ZNF277: variants seen among roughly 807,000 people sequenced by gnomAD.
ZNF277 encodes zinc finger protein 277.
A neutral mutation model predicts 60.7 loss-of-function variants in ZNF277; 55 were observed. The observed-to-expected ratio is 0.91, with a 90% confidence interval of 0.73 to 1.13. The LOEUF (loss-of-function observed/expected upper bound fraction) is 1.13. Among genes scored for constraint, ZNF277 ranks in the 50% most tolerant of loss-of-function variants. The pLI is 0.00. For synonymous variants in ZNF277, 178 were observed against 179.3 expected (o/e 0.99, Z 0.06); for missense variants, 510 against 523.0 (o/e 0.98, Z 0.24).
intron 2 of ZNF277, 33 bp downstream of exon 2, chr7:112,287,107 A>G (rs750979642): frequency 6.2e-7 from 1 of 1,608,574 alleles, no homozygotes; most frequent in Admixed American, 1.7e-5. Flanking sequence ...AAAGAATTAA[A>G]TTTGACCATG....
At chr7:112,327,611 T>G in intron 5 of ZNF277, 106 bp from the exon 6 acceptor site, 1 of 766,678 alleles carries the variant, frequency 1.3e-6, no homozygotes, top group South Asian at 1.6e-5. Flanking sequence ...TGCTTAGCAC[T>G]TGCTTATACC....
intron 11 of ZNF277, among the ~76,000 whole-genome samples, chr7:112,342,296 G>A (rs531224206): frequency 2.0e-4 from 31 of 152,190 alleles, no homozygotes; most frequent in African/African-American, 6.3e-4. Flanking sequence ...AGTGGCCAGC[G>A]GACAACTCCA....
chr7:112,304,823 C>T (rs1792553464), intron 4 of ZNF277, among the ~76,000 whole-genome samples: 1 of 152,182 alleles, frequency 6.6e-6, no homozygotes. Flanking sequence ...GTAACTTAGA[C>T]ATTGTTCACT....
chr7:112,312,786 G>C (rs1210583461), intron 4 of ZNF277, among the ~76,000 whole-genome samples: 2 of 152,022 alleles, frequency 1.3e-5, no homozygotes, highest in Non-Finnish European at 2.9e-5. Flanking sequence ...GTCTTATTTA[G>C]CTTCCTGGTT....
Position 112,208,852 on chromosome 7 carries a change from T to C in ZNF277, c.91+2045T>C, listed in dbSNP as rs185663730. Among the ~76,000 whole-genome samples, 108 of 152,138 alleles carry C rather than the reference T, an allele frequency of 7.1e-4. 3 individuals carry two copies. In the Middle Eastern group the frequency reaches 0.014, roughly 19 times the overall value. ...CCAGCCAACAAGCCCGGCTAGTTTT[T>C]TGTATTTTTAGTAGAGACGGGGTTT... On this transcript the variant is annotated intron_variant, in intron 1 of 11. Transcript: ENST00000361822.
chr7:112,206,804 G>C lies in ZNF277; in HGVS notation c.88G>C (p.Gly30Arg). ...CAGCACAGTCGGGGGTGTAGGTTAT[G>C]GGGGTGAGTACGGTGCCCCGGAGGC... ...SCSTVGGVGY[G>R]DSKDCILEPL... The change falls in exon 1 of 12, where the codon GGG becomes CGG. Residue 30 changes from glycine (G) to arginine (R), a missense_variant. By Grantham distance (125) the Gly-to-Arg change is moderately radical (BLOSUM62 -2). Transcript: ENST00000361822. 6.8e-6 allele frequency: 11 copies of C among 1,613,128 alleles called. No individual in the cohort carries two copies. Among genetic ancestry groups the C allele is most frequent in the Non-Finnish European group, 9.3e-6 (11 of 1,179,616 alleles).
In ZNF277 at chr7:112,310,859, C is replaced by G. The variant is rs1054261235; in HGVS notation, c.466-7323C>G. 2.5e-4 allele frequency among the ~76,000 whole-genome samples: 38 copies of G among 151,984 alleles called. 3 individuals are homozygous for G. On this transcript the variant is annotated intron_variant, in intron 4 of 11. Transcript: ENST00000361822. ...TTTGGGAAGGAACCTGAGGAGTGTG[C>G]CTTTTTCTCTCATAGCCACTCATAT...
chr7:112,341,991 T>C (rs554701739), intron 11 of ZNF277, among the ~76,000 whole-genome samples: 3 of 137,750 alleles, frequency 2.2e-5, no homozygotes, highest in Non-Finnish European at 4.6e-5. Context: ...TTATATTCCG[T>C]AAGTGTTTCC....
rs750570039 is a variant in ZNF277, at chr7:112,339,903, G to A, written c.1009+18G>A. The A allele has an allele frequency of 1.4e-5, 23 of 1,605,818 alleles. No individual in the cohort carries two copies. Among genetic ancestry groups the A allele is most frequent in the Non-Finnish European group, 1.4e-5 (17 of 1,179,212 alleles). On this transcript the variant is annotated intron_variant, in intron 10 of 11. Transcript: ENST00000361822. ...AGAACTTGGTAAGTTTGATTCAGAG[G>A]TTTTTTTCTGTGATGCTTCATTTTT...
chr7:112,298,617 G>A (rs1351577797), intron 4 of ZNF277, among the ~76,000 whole-genome samples: 1 of 152,126 alleles, frequency 6.6e-6, no homozygotes, highest in African/African-American at 2.4e-5. Context: ...AAATGTAGCT[G>A]CGTATAAATC....
intron 1 of ZNF277, among the ~76,000 whole-genome samples, chr7:112,232,810 A>G (rs558873257): frequency 9.2e-5 from 14 of 152,278 alleles, no homozygotes; most frequent in Non-Finnish European, 2.1e-4. Flanking sequence ...CTTCAGAGTG[A>G]TGGCCAGTAA....
intron 4 of ZNF277, among the ~76,000 whole-genome samples, chr7:112,314,694 G>A (rs1251152171): frequency 6.6e-6 from 1 of 152,092 alleles, no homozygotes; most frequent in Admixed American, 6.6e-5. Flanking sequence ...TACTTGGGAT[G>A]CTGAGGTGGG....
intron 5 of ZNF277, among the ~76,000 whole-genome samples, chr7:112,321,114 G>A (rs957058527): frequency 6.6e-6 from 1 of 150,986 alleles, no homozygotes; most frequent in Non-Finnish European, 1.5e-5. Flanking sequence ...GTAGAGATGG[G>A]GTTTCATTGT....
chr7:112,231,699 A>G (rs552888713), intron 1 of ZNF277, among the ~76,000 whole-genome samples: 4 of 151,916 alleles, frequency 2.6e-5, no homozygotes. Flanking sequence ...TTTCTTTAAC[A>G]TGAATGATGT....
At chr7:112,338,450 A>G (rs1793375486) in intron 9 of ZNF277, among the ~76,000 whole-genome samples, 1 of 152,174 alleles carries the variant, frequency 6.6e-6, no homozygotes, top group Non-Finnish European at 1.5e-5. Context: ...GGAACATGTA[A>G]TGATTCATGA....
chr7:112,292,508 T>A (rs1792231987), intron 2 of ZNF277, among the ~76,000 whole-genome samples: 1 of 152,176 alleles, frequency 6.6e-6, no homozygotes, highest in African/African-American at 2.4e-5. Flanking sequence ...CTATGTGACC[T>A]CATTGGTCTC....
chr7:112,302,521 A>C (rs1792500373), intron 4 of ZNF277, among the ~76,000 whole-genome samples: 1 of 152,130 alleles, frequency 6.6e-6, no homozygotes, highest in South Asian at 2.1e-4. Context: ...GATATTTCCC[A>C]TTGAATGTAA....
At chr7:112,280,431 C>T (rs1030660825) in intron 1 of ZNF277, among the ~76,000 whole-genome samples, 14 of 152,144 alleles carry the variant, frequency 9.2e-5, no homozygotes, top group Admixed American at 8.5e-4. Context: ...AACAGAGTTG[C>T]TGTTCAAAGT....
intron 1 of ZNF277, among the ~76,000 whole-genome samples, chr7:112,278,666 G>C (rs1791872762): frequency 6.6e-6 from 1 of 152,048 alleles, no homozygotes; most frequent in South Asian, 2.1e-4. Context: ...CTTGGTCAGG[G>C]TTGGTTAATG....
Sources: allele counts gnomAD v4.1 joint callset (sites outside exome capture counted in the v4.1 genomes callset), GRCh38; gene constraint gnomAD v4.1.1; transcripts MANE v1.5; gene names NCBI Gene and HGNC (gene_info 2026-07-23, HGNC 2026-07-21).